KLF8: variants seen among roughly 807,000 people sequenced by gnomAD.
The protein encoded by KLF8 is KLF transcription factor 8.
A neutral mutation model predicts 18.2 loss-of-function variants in KLF8; 10 were observed. The ratio of observed to expected loss-of-function variants is 0.55; its 90% CI spans 0.34 to 0.93. KLF8 has a LOEUF of 0.93. KLF8 is among the 40% of genes least tolerant of loss of function. The probability of loss-of-function intolerance (pLI) is 0.02; values close to 1 mark genes in which losing one functional copy is unlikely to be tolerated. For missense variants in KLF8, 264 were observed against 277.9 expected (o/e 0.95, Z 0.36); for synonymous variants, 109 against 97.3 (o/e 1.12, Z -0.71).
the KLF8 span, among the ~76,000 whole-genome samples, chrX:56,048,149 T>G: frequency 8.9e-6 from 1 of 111,976 alleles, no homozygotes; most frequent in Non-Finnish European, 1.9e-5. Context: ...TTGAGTTCAT[T>G]GTAGATTCTG....
chrX:56,213,289 C>CTTTTG, the KLF8 span, among the ~76,000 whole-genome samples: 2 of 24,664 alleles, frequency 8.1e-5, no homozygotes, highest in African/African-American at 3.8e-4. Flanking sequence ...GTTTTCTTTT[C>CTTTTG]TTTTCTTTTC....
the KLF8 span, among the ~76,000 whole-genome samples, chrX:56,093,935 GTGTGT>G: frequency 4.8e-5 from 5 of 104,950 alleles, no homozygotes; most frequent in South Asian, 4.0e-4. Flanking sequence ...GTGTGTGTGT[GTGTGT>G]GTGTGTGTGT....
chrX:56,185,806 T>G, the KLF8 span, among the ~76,000 whole-genome samples: 1 of 111,347 alleles, frequency 9.0e-6, no homozygotes, highest in African/African-American at 3.3e-5. Flanking sequence ...ATAAAATCCT[T>G]TACAGAAAAG....
chrX:56,138,565 A>G, the KLF8 span, among the ~76,000 whole-genome samples: 1 of 111,184 alleles, frequency 9.0e-6, no homozygotes, highest in African/African-American at 3.3e-5. Context: ...AAAAACAAAA[A>G]CCACATGATC....
the KLF8 span, among the ~76,000 whole-genome samples, chrX:56,054,626 G>T: frequency 9.0e-6 from 1 of 111,321 alleles, no homozygotes; most frequent in Admixed American, 9.6e-5. Context: ...GCTGAGTTTA[G>T]GTCCTGAATA....
chrX:56,096,517 A>G, the KLF8 span, among the ~76,000 whole-genome samples: 1 of 111,903 alleles, frequency 8.9e-6, no homozygotes, highest in South Asian at 3.7e-4. Context: ...CAAATTATCA[A>G]AATTTGTGGG....
the KLF8 span, among the ~76,000 whole-genome samples, chrX:55,947,429 T>A: frequency 2.0e-5 from 2 of 100,564 alleles, no homozygotes; most frequent in Non-Finnish European, 2.0e-5. Context: ...TAGGTGGGAA[T>A]TGAACAATGA....
the KLF8 span, among the ~76,000 whole-genome samples, chrX:56,211,383 A>T: frequency 3.6e-5 from 4 of 112,579 alleles, no homozygotes; most frequent in African/African-American, 1.3e-4. Context: ...AAACATACAG[A>T]GTCTCTCTGT....
At chrX:55,944,551 T>C in the KLF8 span, among the ~76,000 whole-genome samples, 1 of 111,792 alleles carries the variant, frequency 8.9e-6, no homozygotes, top group Non-Finnish European at 1.9e-5. Flanking sequence ...CTTCCTGGTT[T>C]AGTCTTGGCA....
the KLF8 span, among the ~76,000 whole-genome samples, chrX:56,140,797 T>TAAA: frequency 5.7e-4 from 25 of 43,891 alleles, no homozygotes; most frequent in African/African-American, 1.6e-3. Context: ...GCCCCTCCAG[T>TAAA]AAAAAAAAAA....
chrX:55,954,848 C>T, the KLF8 span, among the ~76,000 whole-genome samples: 1 of 111,548 alleles, frequency 9.0e-6, no homozygotes, highest in Admixed American at 9.5e-5. Flanking sequence ...GAATAATATT[C>T]AACAGTGGGC....
the KLF8 span, among the ~76,000 whole-genome samples, chrX:55,956,183 T>A: frequency 9.2e-6 from 1 of 109,142 alleles, no homozygotes; most frequent in Non-Finnish European, 1.9e-5. Flanking sequence ...TATCTATCTA[T>A]CTATCTATGT....
chrX:56,170,049 A>T, the KLF8 span, among the ~76,000 whole-genome samples: 9 of 110,865 alleles, frequency 8.1e-5, no homozygotes, highest in Non-Finnish European at 1.7e-4. Context: ...TCTGCCTGGT[A>T]ATCAATAGAA....
the KLF8 span, among the ~76,000 whole-genome samples, chrX:55,949,797 AAAAG>A: frequency 1.8e-5 from 2 of 109,649 alleles, no homozygotes; most frequent in Non-Finnish European, 3.8e-5. Flanking sequence ...TTCAAAAAAA[AAAAG>A]AAAAGAAAAG....
chrX:56,060,746 T>G, the KLF8 span, among the ~76,000 whole-genome samples: 1 of 112,021 alleles, frequency 8.9e-6, no homozygotes, highest in Non-Finnish European at 1.9e-5. Flanking sequence ...TTTCTATTGT[T>G]TGGAATAGTT....
chrX:56,058,238 A>G, the KLF8 span, among the ~76,000 whole-genome samples: 1 of 80,588 alleles, frequency 1.2e-5, no homozygotes, highest in Admixed American at 1.5e-4. Flanking sequence ...ATATACACAC[A>G]TATATATACG....
At chrX:56,111,736 C>A in the KLF8 span, among the ~76,000 whole-genome samples, 1 of 112,149 alleles carries the variant, frequency 8.9e-6, no homozygotes, top group Non-Finnish European at 1.9e-5. Context: ...AAAAAAAGCT[C>A]ATCATCACTC....
the KLF8 span, among the ~76,000 whole-genome samples, chrX:56,173,816 T>A: frequency 8.9e-6 from 1 of 111,779 alleles, no homozygotes; most frequent in East Asian, 2.8e-4. Context: ...GTCCTTCACA[T>A]CCCTTGTAAG....
the KLF8 span, among the ~76,000 whole-genome samples, chrX:56,214,724 C>T: frequency 8.9e-6 from 1 of 112,146 alleles, no homozygotes; most frequent in Non-Finnish European, 1.9e-5. Context: ...GTTATGTTAG[C>T]CCTAGCAAAC....
Sources: allele counts gnomAD v4.1 joint callset (sites outside exome capture counted in the v4.1 genomes callset), GRCh38; gene constraint gnomAD v4.1.1; transcripts MANE v1.5; gene names NCBI Gene and HGNC (gene_info 2026-07-23, HGNC 2026-07-21).